The following FSTL4 variants were observed in gnomAD, a reference collection of about 807,000 sequenced individuals.
FSTL4 encodes follistatin-related protein 4.
FSTL4 carries 28 observed loss-of-function variants against 78.2 expected under a neutral mutation model. That is an observed-to-expected ratio of 0.36 (90% confidence interval 0.27 to 0.49). FSTL4 has a LOEUF of 0.49. Ranked by LOEUF, FSTL4 falls within the 20% of genes least tolerant of loss-of-function variation. The probability of loss-of-function intolerance (pLI) is 0.98; values close to 1 mark genes in which losing one functional copy is unlikely to be tolerated. For missense variants in FSTL4, 922 were observed against 1,084.9 expected, an observed-to-expected ratio of 0.85 and a Z score of 2.11; for synonymous variants, 422 against 440.5, an observed-to-expected ratio of 0.96 and a Z score of 0.53.
chr5:133,457,284 G>A (rs752181504), intron 3 of FSTL4, among the ~76,000 whole-genome samples: 7 of 152,288 alleles, frequency 4.6e-5, no homozygotes, highest in East Asian at 1.9e-4. Flanking sequence ...AACAGCATGC[G>A]CACGTTAACC....
intron 2 of FSTL4, among the ~76,000 whole-genome samples, chr5:133,570,618 T>C (rs979345073): frequency 3.3e-5 from 5 of 152,194 alleles, no homozygotes; most frequent in Admixed American, 3.3e-4. Flanking sequence ...AGTTAATTCC[T>C]AGGGACATTG....
At chr5:133,600,969 T>G (rs1760853498) in intron 2 of FSTL4, among the ~76,000 whole-genome samples, 1 of 152,256 alleles carries the variant, frequency 6.6e-6, no homozygotes, top group Non-Finnish European at 1.5e-5. Context: ...GAGTTTAATA[T>G]GGTTTGGACT....
intron 3 of FSTL4, among the ~76,000 whole-genome samples, chr5:133,461,849 C>T (rs1290018137): frequency 2.0e-5 from 3 of 152,122 alleles, no homozygotes; most frequent in African/African-American, 4.8e-5. Flanking sequence ...AAGAAAAGAC[C>T]GAGACCTAGG....
At chr5:133,341,338 G>C (rs1003860344) in intron 4 of FSTL4, among the ~76,000 whole-genome samples, 3 of 150,100 alleles carry the variant, frequency 2.0e-5, no homozygotes, top group Non-Finnish European at 4.4e-5. Context: ...AACTAGTTAA[G>C]GTCTCAGACA....
the FSTL4 span, among the ~76,000 whole-genome samples, chr5:133,788,931 A>T: frequency 6.6e-6 from 1 of 152,088 alleles, no homozygotes; most frequent in African/African-American, 2.4e-5. Context: ...GAGAAGAAAA[A>T]ATACATTACG....
intron 3 of FSTL4, among the ~76,000 whole-genome samples, chr5:133,482,888 G>A (rs920094009): frequency 6.6e-6 from 1 of 152,140 alleles, no homozygotes; most frequent in Non-Finnish European, 1.5e-5. Context: ...ACTACCCTGG[G>A]CCAAAGAGCC....
the FSTL4 span, among the ~76,000 whole-genome samples, chr5:133,714,081 A>T: frequency 6.6e-6 from 1 of 152,188 alleles, no homozygotes; most frequent in Non-Finnish European, 1.5e-5. Flanking sequence ...GAGAAACTAG[A>T]CACAGCACCA....
At chr5:133,339,470 T>G (rs1754537975) in intron 4 of FSTL4, among the ~76,000 whole-genome samples, 1 of 152,106 alleles carries the variant, frequency 6.6e-6, no homozygotes. Flanking sequence ...CTGAGAGCCC[T>G]GGACACCCCC....
chr5:133,401,330 A>G (rs569185105), intron 3 of FSTL4, among the ~76,000 whole-genome samples: 1 of 152,348 alleles, frequency 6.6e-6, no homozygotes, highest in African/African-American at 2.4e-5. Context: ...TTGAAAAATG[A>G]AAACACCCAG....
chr5:133,577,337 A>T (rs1469065316), intron 2 of FSTL4, among the ~76,000 whole-genome samples: 1 of 152,148 alleles, frequency 6.6e-6, no homozygotes, highest in Non-Finnish European at 1.5e-5. Flanking sequence ...GGCTCTTGAG[A>T]AATGCCACTT....
At chr5:133,541,722 C>T (rs1042219374) in intron 3 of FSTL4, among the ~76,000 whole-genome samples, 6 of 152,136 alleles carry the variant, frequency 3.9e-5, no homozygotes, top group African/African-American at 1.4e-4. Context: ...TTTGACAAGT[C>T]CCCATGATGT....
the FSTL4 span, among the ~76,000 whole-genome samples, chr5:133,736,425 C>T: frequency 6.6e-6 from 1 of 152,200 alleles, no homozygotes; most frequent in Non-Finnish European, 1.5e-5. Context: ...AATGGTACCT[C>T]TTGTCTTCCA....
the FSTL4 span, among the ~76,000 whole-genome samples, chr5:133,683,196 C>T: frequency 6.6e-6 from 1 of 152,134 alleles, no homozygotes; most frequent in Admixed American, 6.5e-5. Context: ...GAGGGAAACC[C>T]TAATGAGAAA....
At chr5:133,324,272 G>A (rs1056328232) in intron 4 of FSTL4, among the ~76,000 whole-genome samples, 3 of 152,182 alleles carry the variant, frequency 2.0e-5, no homozygotes, top group Admixed American at 6.5e-5. Context: ...GAGGCGTTGT[G>A]TAATGTGGGC....
the FSTL4 span, among the ~76,000 whole-genome samples, chr5:133,618,518 A>G: frequency 6.6e-6 from 1 of 152,240 alleles, no homozygotes; most frequent in Non-Finnish European, 1.5e-5. Context: ...CTCAGTTGTC[A>G]AGAGGTGCAA....
At chr5:133,341,272 G>T (rs9687283) in intron 4 of FSTL4, among the ~76,000 whole-genome samples, 2 of 137,100 alleles carry the variant, frequency 1.5e-5, no homozygotes, top group Admixed American at 7.6e-5. Context: ...AAAAAAAAAC[G>T]TGTGCAGGAA....
At chr5:133,402,907 C>T (rs1322542489) in intron 3 of FSTL4, among the ~76,000 whole-genome samples, 1 of 152,266 alleles carries the variant, frequency 6.6e-6, no homozygotes, top group Non-Finnish European at 1.5e-5. Context: ...CCTCTGCACG[C>T]CTTCCTGTCA....
At chr5:133,568,357 A>C (rs910236506) in intron 2 of FSTL4, among the ~76,000 whole-genome samples, 2 of 152,236 alleles carry the variant, frequency 1.3e-5, no homozygotes, top group African/African-American at 4.8e-5. Flanking sequence ...GCAGCCAAGA[A>C]GGTAATTCAG....
At chr5:133,711,150 C>T in the FSTL4 span, among the ~76,000 whole-genome samples, 2 of 152,122 alleles carry the variant, frequency 1.3e-5, no homozygotes, top group African/African-American at 2.4e-5. Context: ...AATGGAGGCC[C>T]AGGTTCCCAG....
Sources: gnomAD v4.1 joint callset for allele counts (sites outside exome capture counted in the v4.1 genomes callset) on GRCh38, gnomAD v4.1.1 for gene constraint, MANE v1.5 for transcripts, NCBI Gene and HGNC (gene_info 2026-07-23, HGNC 2026-07-21) for gene names.